The following FRY variants were observed in gnomAD, a reference collection of about 807,000 sequenced individuals.
FRY encodes the protein FRY microtubule binding protein.
FRY carries 128 observed loss-of-function variants against 348.4 expected under a neutral mutation model. The observed-to-expected ratio is 0.37, with a 90% CI of 0.32 to 0.43. The LOEUF is 0.43. FRY is among the 20% of genes least tolerant of loss of function. FRY has a pLI of 1.00. For synonymous variants in FRY, 1,370 were observed against 1,374.7 expected (o/e 1.00, Z 0.08); for missense variants, 2,736 against 3,695.2 (o/e 0.74, Z 6.73).
intron 58 of FRY, among the ~76,000 whole-genome samples, chr13:32,284,984 T>G (rs1385853495): frequency 4.6e-5 from 7 of 152,262 alleles, no homozygotes; most frequent in African/African-American, 1.7e-4. Flanking sequence ...CTCAATTGTT[T>G]ATGATAAATT....
At chr13:32,251,316 A>G (rs1009733863) in intron 49 of FRY, among the ~76,000 whole-genome samples, 1 of 152,212 alleles carries the variant, frequency 6.6e-6, no homozygotes, top group African/African-American at 2.4e-5. Flanking sequence ...AGAAGAAACT[A>G]AGAAAGATTT....
At chr13:32,104,848 G>A (rs1170542004) in intron 3 of FRY, among the ~76,000 whole-genome samples, 1 of 152,166 alleles carries the variant, frequency 6.6e-6, no homozygotes, top group African/African-American at 2.4e-5. Flanking sequence ...CCCTGCATAT[G>A]CTCTCTCTTG....
chr13:32,297,718 A>T lies in FRY; in HGVS notation c.*2258A>T, dbSNP rs917911880. 1 of 152,232 alleles carries T rather than the reference A, an allele frequency of 6.6e-6. No homozygotes were observed. Among genetic ancestry groups the T allele is most frequent in the Admixed American group, 6.5e-5 (1 of 15,288 alleles). 9.4% of individuals were successfully genotyped at this position (152,232 alleles called of 1,614,324 possible). A position where few individuals can be genotyped will look rare whatever the true frequency, so the allele number is the denominator to read the frequency against. On this transcript the variant is annotated 3_prime_UTR_variant, in exon 61 of 61. Coordinates refer to ENST00000542859, the MANE Select transcript of FRY (RefSeq NM_023037.3). ...CCCCACGCCAGCAGAGCCCAGCAAT[A>T]ACTTTAGATCTACCAGTCAAATCTT...
chr13:32,135,213 A>G, intron 10 of FRY, 30 bp downstream of exon 10: 2 of 1,295,638 alleles, frequency 1.5e-6, no homozygotes, highest in Non-Finnish European at 2.2e-6. Flanking sequence ...TCGAAAACAC[A>G]AACAAAACTG....
intron 40 of FRY, among the ~76,000 whole-genome samples, chr13:32,230,858 G>GT (rs556968730): frequency 5.9e-5 from 9 of 152,266 alleles, no homozygotes; most frequent in African/African-American, 1.9e-4. Context: ...ATTCTGACTG[G>GT]TGTGAGATGG....
At chr13:32,156,848 T>A (rs1056612632) in intron 15 of FRY, among the ~76,000 whole-genome samples, 4 of 152,112 alleles carry the variant, frequency 2.6e-5, no homozygotes, top group South Asian at 4.1e-4. Context: ...ACTAAAAAAA[T>A]TCACATATAT....
At chr13:32,172,539 C>T (rs149678271) in intron 18 of FRY, among the ~76,000 whole-genome samples, 8 of 152,182 alleles carry the variant, frequency 5.3e-5, no homozygotes, top group East Asian at 1.9e-4. Flanking sequence ...TTTTGCAGAG[C>T]GCATTGAGGA....
At chr13:32,212,454 G>A (rs1884741040) in intron 35 of FRY, 72 bp downstream of exon 35, 1 of 903,146 alleles carries the variant, frequency 1.1e-6, no homozygotes, top group Non-Finnish European at 1.8e-6. Context: ...ATCAATACAG[G>A]TTTGTGGAGT....
rs190230962 is a variant in FRY at position 32,087,067 on chromosome 13, T to G, written c.270+8034T>G. On this transcript the variant is annotated intron_variant, in intron 2 of 60. Coordinates refer to ENST00000542859, the MANE Select transcript of FRY (RefSeq NM_023037.3). ...GAGGCTTAAAAATAATAGAACATGA[T>G]CTAGCTGGTTTGCTAACATGAAAGA... 4.8e-4 allele frequency among the ~76,000 whole-genome samples: 73 copies of G among 152,252 alleles called. 1 individual carries two copies. In the East Asian group the frequency reaches 7.1e-3, roughly 15 times the overall value.
chr13:32,228,165 A>G (rs900363504), intron 39 of FRY, among the ~76,000 whole-genome samples: 5 of 152,226 alleles, frequency 3.3e-5, no homozygotes, highest in East Asian at 1.9e-4. Context: ...GCATACAAAC[A>G]CGCATACATA....
At chr13:32,253,946 TACAC>T (rs10627998) in intron 50 of FRY, among the ~76,000 whole-genome samples, 1 of 151,084 alleles carries the variant, frequency 6.6e-6, no homozygotes, top group Non-Finnish European at 1.5e-5. Flanking sequence ...CACACACACA[TACAC>T]ACACACACAC....
At chr13:32,109,855 T>TA (rs1269607127) in intron 3 of FRY, among the ~76,000 whole-genome samples, 2 of 152,190 alleles carry the variant, frequency 1.3e-5, no homozygotes, top group African/African-American at 2.4e-5. Flanking sequence ...CTAGAGCACA[T>TA]AAGTAAAGAA....
At position 32,275,481 on chromosome 13, in the gene FRY, G is replaced by A. The variant is rs1888491935; in HGVS notation, c.8286+490G>A. On this transcript the variant is annotated intron_variant, in intron 56 of 60. Transcript: ENST00000542859. ...GTCTGCAATATAAATACTGCATATG[G>A]CCAGTCCAGGCCAAGGCAGGGCTAT... is the stretch of plus-strand genomic sequence containing the variant. 2.0e-5 allele frequency among the ~76,000 whole-genome samples: 3 copies of A among 152,166 alleles called. No individual in the cohort carries two copies. In the South Asian group the frequency reaches 6.2e-4, roughly 32 times the overall value.
intron 1 of FRY, among the ~76,000 whole-genome samples, chr13:32,046,203 A>T (rs1325900191): frequency 6.6e-6 from 1 of 152,180 alleles, no homozygotes. Context: ...TAAATTGTGG[A>T]TACTGTTCCT....
chr13:32,259,048 A>G (rs1288882875), intron 51 of FRY, among the ~76,000 whole-genome samples: 1 of 152,242 alleles, frequency 6.6e-6, no homozygotes, highest in East Asian at 1.9e-4. Context: ...GTAAACCCTC[A>G]GTGGTTTTTA....
intron 40 of FRY, among the ~76,000 whole-genome samples, chr13:32,230,723 G>A (rs548942628): frequency 7.9e-5 from 12 of 152,274 alleles, no homozygotes; most frequent in African/African-American, 2.6e-4. Context: ...GGATCTTTGA[G>A]GAATCGCCAC....
At chr13:32,164,928 C>A (rs798974) in intron 17 of FRY, among the ~76,000 whole-genome samples, 39,571 of 152,086 alleles carry the variant, frequency 0.26, 5,548 homozygotes, top group Middle Eastern at 0.37. Context: ...TTGCATGCAC[C>A]AAGGGCTTGC....
chr13:32,046,098 A>C (rs1279129911), intron 1 of FRY, among the ~76,000 whole-genome samples: 1 of 152,208 alleles, frequency 6.6e-6, no homozygotes, highest in Non-Finnish European at 1.5e-5. Context: ...TGTTCTGCCA[A>C]ACAAGGCCCT....
chr13:32,262,562 G>T (rs1037197712), intron 53 of FRY, 87 bp downstream of exon 53: 4 of 975,322 alleles, frequency 4.1e-6, no homozygotes, highest in Non-Finnish European at 4.9e-6. Flanking sequence ...TTCTTAAGGG[G>T]TCTCAAGTAG....
Sources: allele counts gnomAD v4.1 joint callset (sites outside exome capture counted in the v4.1 genomes callset), GRCh38; gene constraint gnomAD v4.1.1; transcripts MANE v1.5; gene names NCBI Gene and HGNC (gene_info 2026-07-23, HGNC 2026-07-21).